CNTN5: variants seen among roughly 807,000 people sequenced by gnomAD.
The protein encoded by CNTN5 is contactin 5.
In CNTN5, 77 loss-of-function variants were observed where a neutral mutation model predicts 129.1. The observed-to-expected ratio is 0.60, with a 90% confidence interval of 0.50 to 0.72. CNTN5 has a LOEUF of 0.72. Among genes scored for constraint, CNTN5 ranks in the 30% least tolerant of loss-of-function variants. The pLI, the probability that CNTN5 is intolerant of heterozygous loss-of-function variation, is 0.00. For missense variants in CNTN5, 1,478 were observed against 1,328.8 expected (o/e 1.11, Z -1.75); for synonymous variants, 509 against 465.6 (o/e 1.09, Z -1.20).
At chr11:99,665,478 A>ATTTTTT (rs34435537) in intron 3 of CNTN5, among the ~76,000 whole-genome samples, 8 of 65,920 alleles carry the variant, frequency 1.2e-4, no homozygotes, top group African/African-American at 2.5e-4. Flanking sequence ...TGAAACTACA[A>ATTTTTT]TTTTTTTTTT....
intron 6 of CNTN5, among the ~76,000 whole-genome samples, chr11:99,915,209 A>T (rs1425876378): frequency 6.6e-6 from 1 of 152,104 alleles, no homozygotes; most frequent in African/African-American, 2.4e-5. Context: ...AAGTTGTCTT[A>T]TTGATCAACC....
intron 16 of CNTN5, among the ~76,000 whole-genome samples, chr11:100,234,461 G>A (rs1220717728): frequency 1.3e-5 from 2 of 152,076 alleles, no homozygotes; most frequent in Non-Finnish European, 2.9e-5. Context: ...ATACTATACA[G>A]CCGTAAAAAA....
chr11:99,571,788 C>G (rs532423090), intron 3 of CNTN5, among the ~76,000 whole-genome samples: 1 of 152,230 alleles, frequency 6.6e-6, no homozygotes, highest in Non-Finnish European at 1.5e-5. Flanking sequence ...CTCTCATATT[C>G]AAATTAATCA....
At chr11:99,843,598 C>A (rs1947585368) in intron 4 of CNTN5, among the ~76,000 whole-genome samples, 1 of 151,970 alleles carries the variant, frequency 6.6e-6, no homozygotes, top group South Asian at 2.1e-4. Flanking sequence ...TTATCTGTAG[C>A]AGTAGTTTTT....
chr11:99,224,780 C>T (rs571295017), intron 1 of CNTN5, among the ~76,000 whole-genome samples: 8 of 151,264 alleles, frequency 5.3e-5, no homozygotes, highest in Admixed American at 3.3e-4. Context: ...GTCTCAGCCT[C>T]CTGCATTTTC....
chr11:100,276,239 C>T (rs187028683), intron 18 of CNTN5, among the ~76,000 whole-genome samples: 70 of 151,992 alleles, frequency 4.6e-4, no homozygotes, highest in Middle Eastern at 3.4e-3. Flanking sequence ...TTGAATTTTC[C>T]GGTCATCAAG....
chr11:99,600,466 G>A (rs2135702654), intron 3 of CNTN5, among the ~76,000 whole-genome samples: 1 of 152,240 alleles, frequency 6.6e-6, no homozygotes, highest in Non-Finnish European at 1.5e-5. Context: ...GTAAGGGAAA[G>A]GCCAAGGACT....
intron 3 of CNTN5, among the ~76,000 whole-genome samples, chr11:99,620,306 C>T (rs1365607869): frequency 5.3e-5 from 8 of 151,532 alleles, no homozygotes; most frequent in South Asian, 2.1e-4. Context: ...ATATTTTTAA[C>T]CTCGTCTTTA....
intron 1 of CNTN5, among the ~76,000 whole-genome samples, chr11:99,316,204 G>A (rs1025214017): frequency 4.6e-5 from 7 of 152,056 alleles, no homozygotes; most frequent in African/African-American, 1.4e-4. Context: ...GTTAATTATC[G>A]TATCCAAGAT....
In CNTN5 at chr11:100,271,182, A is replaced by G. The variant is rs778053170; in HGVS notation, c.2255A>G (p.Asn752Ser). The change falls in exon 18 of 25, where the codon AAC (asparagine) becomes AGC (serine). Residue 752 changes from asparagine to serine, a missense_variant. By Grantham distance (46) the Asn-to-Ser change is conservative. Coordinates refer to ENST00000524871, the MANE Select transcript of CNTN5 (RefSeq NM_014361.4). ...TATGAATTTCGAGTGGTAGCCACCA[A>G]CCCTATTGGGACAGGAGATCCAAGC... ...VEYEFRVVAT[N>S]PIGTGDPSTP... 2 of 1,613,306 alleles carry G rather than the reference A, an allele frequency of 1.2e-6. No homozygotes were observed. The highest frequency in any genetic ancestry group is 1.1e-5 in the South Asian group (1 of 91,006).
At chr11:99,465,207 A>C (rs181440267) in intron 2 of CNTN5, among the ~76,000 whole-genome samples, 1 of 152,104 alleles carries the variant, frequency 6.6e-6, no homozygotes, top group African/African-American at 2.4e-5. Flanking sequence ...TACTTCACCT[A>C]TTTGTTTCCC....
chr11:99,771,306 G>A (rs1468290419), intron 3 of CNTN5, among the ~76,000 whole-genome samples: 1 of 151,808 alleles, frequency 6.6e-6, no homozygotes, highest in South Asian at 2.1e-4. Flanking sequence ...CCATAGCAAA[G>A]ACACCGAAAT....
intron 1 of CNTN5, among the ~76,000 whole-genome samples, chr11:99,113,433 A>G (rs1857894797): frequency 1.3e-5 from 2 of 152,082 alleles, no homozygotes; most frequent in South Asian, 2.1e-4. Flanking sequence ...GGGGGAGAAT[A>G]AGGCAGAAAA....
intron 13 of CNTN5, among the ~76,000 whole-genome samples, chr11:100,113,885 G>A (rs968039072): frequency 2.6e-5 from 4 of 151,840 alleles, no homozygotes; most frequent in Non-Finnish European, 5.9e-5. Flanking sequence ...TATGTCTCAT[G>A]TGGTCTTGTT....
chr11:99,554,001 C>CACACACAT (rs1279606183), intron 2 of CNTN5, among the ~76,000 whole-genome samples: 2 of 141,014 alleles, frequency 1.4e-5, no homozygotes, highest in Non-Finnish European at 3.1e-5. Flanking sequence ...CACACATACA[C>CACACACAT]ACACACACAC....
At chr11:99,892,597 T>G (rs913676327) in intron 6 of CNTN5, among the ~76,000 whole-genome samples, 1 of 152,186 alleles carries the variant, frequency 6.6e-6, no homozygotes, top group Non-Finnish European at 1.5e-5. Flanking sequence ...CTTTCCCCAT[T>G]GCTTGTTTTT....
intron 17 of CNTN5, among the ~76,000 whole-genome samples, chr11:100,256,572 G>A (rs1001138198): frequency 1.3e-5 from 2 of 152,118 alleles, no homozygotes; most frequent in African/African-American, 4.8e-5. Context: ...CAGAAGGTGG[G>A]TGATTTCTGC....
chr11:99,867,102 T>C (rs1201148919), intron 6 of CNTN5, among the ~76,000 whole-genome samples: 1 of 152,192 alleles, frequency 6.6e-6, no homozygotes, highest in Non-Finnish European at 1.5e-5. Context: ...TTGATCTGAG[T>C]GACTTCAAAG....
chr11:99,969,077 A>G (rs1951178210), intron 8 of CNTN5, among the ~76,000 whole-genome samples: 2 of 152,100 alleles, frequency 1.3e-5, no homozygotes, highest in East Asian at 3.9e-4. Flanking sequence ...ATTCCATACA[A>G]TCCAATTTCT....
Sources: allele counts gnomAD v4.1 joint callset (sites outside exome capture counted in the v4.1 genomes callset), GRCh38; gene constraint gnomAD v4.1.1; transcripts MANE v1.5; gene names NCBI Gene and HGNC (gene_info 2026-07-23, HGNC 2026-07-21).